Variants in BNC2 observed in about 807,000 individuals in gnomAD.
BNC2 encodes basonuclin zinc finger protein 2, also known as zinc finger protein basonuclin-2.
Under a neutral mutation model 76.3 loss-of-function variants are expected in BNC2, and 20 were observed. That is an observed-to-expected ratio of 0.26 (90% CI 0.18 to 0.38). The LOEUF (loss-of-function observed/expected upper bound fraction) is 0.38. BNC2 is among the 10% of genes least tolerant of loss of function. The pLI, the probability that BNC2 is intolerant of heterozygous loss-of-function variation, is 1.00. For missense variants in BNC2, 1,382 were observed against 1,399.8 expected, an observed-to-expected ratio of 0.99 and a Z score of 0.20; for synonymous variants, 582 against 514.8, an observed-to-expected ratio of 1.13 and a Z score of -1.77.
intron 5 of BNC2, among the ~76,000 whole-genome samples, chr9:16,500,626 T>A (rs573613955): frequency 4.5e-4 from 69 of 152,326 alleles, no homozygotes; most frequent in Non-Finnish European, 6.5e-4. Flanking sequence ...ATCTTCTATA[T>A]GCGCTTGCAA....
chr9:16,478,441 G>T lies in BNC2; in HGVS notation c.670-40917C>A, dbSNP rs1231579766. Reference sequence around the variant, plus strand: ...ATACCACCGTAATTCTGTTGTTAATGAGCAAAGACACTTTTTCTTAAAAAG... The same window carrying T: ...ATACCACCGTAATTCTGTTGTTAATTAGCAAAGACACTTTTTCTTAAAAAG... On this transcript the variant is annotated intron_variant, in intron 5 of 6. Transcript: ENST00000380672. Among the ~76,000 whole-genome samples the T allele has an allele frequency of 3.3e-5, 5 of 152,164 alleles. No individual in the cohort carries two copies. The East Asian group carries it at 9.6e-4, about 29-fold the overall frequency.
chr9:16,848,033 T>C (rs1819030187), intron 1 of BNC2, among the ~76,000 whole-genome samples: 2 of 152,182 alleles, frequency 1.3e-5, no homozygotes, highest in African/African-American at 2.4e-5. Flanking sequence ...AAACCTATGA[T>C]GCAGTAGCTT....
chr9:16,418,686 G>GTT lies in BNC2; in HGVS notation c.*302_*303insAA, dbSNP rs1450379305. 11 of 330,508 alleles carry GTT rather than the reference G, an allele frequency of 3.3e-5. No individual in the cohort carries two copies. Among genetic ancestry groups the GTT allele is most frequent in the Non-Finnish European group, 5.6e-5 (10 of 178,788 alleles). 20.5% of individuals were successfully genotyped at this position (330,508 alleles called of 1,614,324 possible). A position where few individuals can be genotyped will look rare whatever the true frequency, so the allele number is the denominator to read the frequency against. On this transcript the variant is annotated 3_prime_UTR_variant, in exon 7 of 7. Coordinates refer to ENST00000380672, the MANE Select transcript of BNC2 (RefSeq NM_017637.6). ...ACACTGTGTGTGTGTGTGTGTGTGT[G>GTT]TGTGTATGTGCATGTGTGTGTGTGT...
chr9:16,487,984 C>G (rs929796191), intron 5 of BNC2, among the ~76,000 whole-genome samples: 1 of 152,204 alleles, frequency 6.6e-6, no homozygotes, highest in Admixed American at 6.5e-5. Flanking sequence ...ATTCAGCCAT[C>G]AGTACAATTC....
At chr9:16,835,488 C>T (rs1818685570) in intron 1 of BNC2, among the ~76,000 whole-genome samples, 1 of 152,096 alleles carries the variant, frequency 6.6e-6, no homozygotes, top group Admixed American at 6.5e-5. Context: ...CATTTGAGGT[C>T]AGGAGTTCGA....
intron 1 of BNC2, among the ~76,000 whole-genome samples, chr9:16,821,864 C>T (rs913735393): frequency 1.4e-4 from 21 of 151,966 alleles, no homozygotes; most frequent in South Asian, 2.1e-4. Context: ...AAGGCCAAGG[C>T]GGACGGATCA....
chr9:16,517,863 T>C (rs1817486547), intron 5 of BNC2, among the ~76,000 whole-genome samples: 1 of 152,114 alleles, frequency 6.6e-6, no homozygotes. Context: ...AGATGATTAA[T>C]ATACTAGATA....
chr9:16,504,640 A>C (rs1822587845), intron 5 of BNC2, among the ~76,000 whole-genome samples: 1 of 152,164 alleles, frequency 6.6e-6, no homozygotes, highest in Admixed American at 6.5e-5. Flanking sequence ...TAAATAAATA[A>C]AAATTTCAAT....
chr9:16,627,017 T>G (rs868433684), intron 3 of BNC2, among the ~76,000 whole-genome samples: 3 of 152,190 alleles, frequency 2.0e-5, no homozygotes, highest in Non-Finnish European at 2.9e-5. Context: ...ATGGAACAGA[T>G]GCACCTTTTT....
intron 1 of BNC2, among the ~76,000 whole-genome samples, chr9:16,776,237 T>A (rs1018014270): frequency 1.1e-4 from 16 of 152,048 alleles, no homozygotes; most frequent in African/African-American, 3.6e-4. Context: ...GCCTCCTGGG[T>A]TCAAGCGATT....
At chr9:16,535,453 G>C (rs1286107338) in intron 5 of BNC2, among the ~76,000 whole-genome samples, 2 of 152,074 alleles carry the variant, frequency 1.3e-5, no homozygotes, top group Non-Finnish European at 2.9e-5. Context: ...CAATCTTGAA[G>C]CCTGGAATCA....
At chr9:16,614,252 A>C (rs1252822712) in intron 3 of BNC2, among the ~76,000 whole-genome samples, 4 of 152,102 alleles carry the variant, frequency 2.6e-5, no homozygotes, top group Admixed American at 2.6e-4. Flanking sequence ...CCATTGGCCA[A>C]AACTTAGAAA....
chr9:16,819,873 C>T (rs1818276293), intron 1 of BNC2, among the ~76,000 whole-genome samples: 1 of 151,738 alleles, frequency 6.6e-6, no homozygotes, highest in Non-Finnish European at 1.5e-5. Flanking sequence ...GCCTACAATT[C>T]CAGTACTCTG....
chr9:16,678,239 A>G (rs1822710706), intron 3 of BNC2, among the ~76,000 whole-genome samples: 1 of 147,214 alleles, frequency 6.8e-6, no homozygotes, highest in Non-Finnish European at 1.5e-5. Flanking sequence ...GTTCCAGACC[A>G]TAACTTGTAA....
chr9:16,778,494 C>T (rs572555019), intron 1 of BNC2, among the ~76,000 whole-genome samples: 1 of 152,296 alleles, frequency 6.6e-6, no homozygotes, highest in East Asian at 1.9e-4. Context: ...AAACAATAAT[C>T]CAAAAAAGAA....
chr9:16,652,687 T>C (rs562482194), intron 3 of BNC2, among the ~76,000 whole-genome samples: 2 of 152,324 alleles, frequency 1.3e-5, no homozygotes, highest in South Asian at 4.1e-4. Flanking sequence ...CCTCATATTT[T>C]CCTTCGGGCA....
intron 1 of BNC2, among the ~76,000 whole-genome samples, chr9:16,790,947 A>T (rs573778245): frequency 6.6e-6 from 1 of 151,956 alleles, no homozygotes; most frequent in East Asian, 1.9e-4. Flanking sequence ...TTTTTATGAA[A>T]TGCTACATGG....
intron 3 of BNC2, among the ~76,000 whole-genome samples, chr9:16,680,173 C>T (rs142142422): frequency 6.6e-6 from 1 of 152,156 alleles, no homozygotes; most frequent in Non-Finnish European, 1.5e-5. Context: ...TGGTTTTCCG[C>T]CATTTACTTA....
At chr9:16,592,314 C>T (rs1163837408) in intron 3 of BNC2, among the ~76,000 whole-genome samples, 1 of 151,932 alleles carries the variant, frequency 6.6e-6, no homozygotes, top group Non-Finnish European at 1.5e-5. Context: ...AATGGATAAA[C>T]AAAATTCAGT....
Sources: allele counts gnomAD v4.1 joint callset (sites outside exome capture counted in the v4.1 genomes callset), GRCh38; gene constraint gnomAD v4.1.1; transcripts MANE v1.5; gene names NCBI Gene and HGNC (gene_info 2026-07-23, HGNC 2026-07-21).